Variants in FGF14 observed in about 807,000 individuals in gnomAD.
FGF14 encodes the protein fibroblast growth factor 14.
In FGF14, 5 loss-of-function variants were observed where a neutral mutation model predicts 25.5. The observed-to-expected ratio is 0.20, with a 90% CI of 0.10 to 0.41. FGF14 has a LOEUF of 0.41. Among genes scored for constraint, FGF14 ranks in the 10% least tolerant of loss-of-function variants. The probability of loss-of-function intolerance (pLI) is 1.00; values close to 1 mark genes in which losing one functional copy is unlikely to be tolerated. For synonymous variants in FGF14, 138 were observed against 118.3 expected (o/e 1.17, Z -1.08); for missense variants, 222 against 320.1 (o/e 0.69, Z 2.34).
At chr13:102,138,766 A>G (rs2046512934) in intron 1 of FGF14, among the ~76,000 whole-genome samples, 1 of 152,216 alleles carries the variant, frequency 6.6e-6, no homozygotes, top group African/African-American at 2.4e-5. Context: ...CTAGCAATAA[A>G]TGTGCCATTA....
intron 1 of FGF14, among the ~76,000 whole-genome samples, chr13:102,137,084 G>A (rs963219050): frequency 5.9e-5 from 9 of 152,168 alleles, no homozygotes; most frequent in African/African-American, 2.2e-4. Flanking sequence ...GGCTACTAAT[G>A]TGGTGTGGTT....
chr13:101,876,020 G>C (rs952927753), intron 1 of FGF14, among the ~76,000 whole-genome samples: 7 of 152,086 alleles, frequency 4.6e-5, no homozygotes, highest in African/African-American at 1.7e-4. Context: ...TCATTAACTT[G>C]TATAACTAAA....
At chr13:101,755,096 T>C (rs944136816) in intron 3 of FGF14, among the ~76,000 whole-genome samples, 4 of 152,196 alleles carry the variant, frequency 2.6e-5, no homozygotes, top group African/African-American at 7.2e-5. Context: ...TGTGATATAG[T>C]AATCATAACA....
intron 1 of FGF14, among the ~76,000 whole-genome samples, chr13:102,340,825 T>C (rs546458945): frequency 6.6e-6 from 1 of 152,258 alleles, no homozygotes; most frequent in African/African-American, 2.4e-5. Flanking sequence ...AAAATGGCAA[T>C]CAGATTTACC....
intron 1 of FGF14, among the ~76,000 whole-genome samples, chr13:101,902,598 T>C (rs1440773629): frequency 6.6e-6 from 1 of 152,202 alleles, no homozygotes; most frequent in Non-Finnish European, 1.5e-5. Context: ...CTGTGTGTAA[T>C]ACAATCTAAA....
At chr13:101,789,481 G>A (rs1049983925) in intron 3 of FGF14, among the ~76,000 whole-genome samples, 2 of 152,018 alleles carry the variant, frequency 1.3e-5, no homozygotes, top group Admixed American at 6.6e-5. Flanking sequence ...TGCCCCTTAC[G>A]CTCTGCTAAA....
chr13:102,156,125 C>T (rs374265108), intron 1 of FGF14, among the ~76,000 whole-genome samples: 17 of 152,124 alleles, frequency 1.1e-4, no homozygotes, highest in East Asian at 1.9e-4. Context: ...TTCCAATCAA[C>T]AGAAAAAGAG....
At chr13:102,231,732 A>G (rs933579762) in intron 1 of FGF14, among the ~76,000 whole-genome samples, 1 of 152,200 alleles carries the variant, frequency 6.6e-6, no homozygotes, top group Non-Finnish European at 1.5e-5. Flanking sequence ...AGTGATATCA[A>G]GAGGACAGTC....
intron 1 of FGF14, among the ~76,000 whole-genome samples, chr13:102,076,327 T>C (rs2043361758): frequency 6.6e-6 from 1 of 152,200 alleles, no homozygotes; most frequent in Non-Finnish European, 1.5e-5. Flanking sequence ...CACAATCACT[T>C]AACACTGTGT....
chr13:101,750,008 A>T (rs985238403), intron 3 of FGF14, among the ~76,000 whole-genome samples: 1 of 152,020 alleles, frequency 6.6e-6, no homozygotes, highest in Non-Finnish European at 1.5e-5. Context: ...GACTGAAGAG[A>T]CTGGAGTTCT....
chr13:102,353,523 G>T (rs80093460), intron 1 of FGF14, among the ~76,000 whole-genome samples: 1,542 of 152,270 alleles, frequency 0.01, 19 homozygotes, highest in African/African-American at 0.035. Context: ...CTCCACGGAA[G>T]TTCCTCCTCA....
In FGF14 at chr13:101,717,736, C is replaced by A. The variant is rs2139632680; in HGVS notation, c.*5095G>T. ...AAAAAATTCCTTCTGAGCTCCCAGG[C>A]CATACAAAAGCAACTTAAGGGTGGA... On this transcript the variant is annotated 3_prime_UTR_variant, in exon 5 of 5. Coordinates refer to ENST00000376143, the MANE Select transcript of FGF14 (RefSeq NM_004115.4). The A allele has an allele frequency of 1.3e-5, 2 of 152,190 alleles. No individual in the cohort carries two copies. Among genetic ancestry groups the A allele is most frequent in the African/African-American group, 4.8e-5 (2 of 41,542 alleles). 9.4% of individuals were successfully genotyped at this position (152,190 alleles called of 1,614,324 possible).
intron 1 of FGF14, among the ~76,000 whole-genome samples, chr13:101,905,773 T>A (rs1045713213): frequency 6.6e-6 from 1 of 152,118 alleles, no homozygotes; most frequent in Admixed American, 6.6e-5. Context: ...TATGGGTACA[T>A]CCAGGAAGAC....
chr13:102,349,624 AAC>A (rs2057214433), intron 1 of FGF14, among the ~76,000 whole-genome samples: 1 of 152,246 alleles, frequency 6.6e-6, no homozygotes, highest in Admixed American at 6.5e-5. Context: ...TCTCTCCAGA[AAC>A]AGTTTTGACT....
chr13:102,105,011 T>C (rs535589767), intron 1 of FGF14, among the ~76,000 whole-genome samples: 12 of 152,186 alleles, frequency 7.9e-5, no homozygotes, highest in East Asian at 3.9e-4. Context: ...AAATCCAGGA[T>C]ACACAGCAAA....
intron 1 of FGF14, among the ~76,000 whole-genome samples, chr13:102,004,406 A>G (rs2039671328): frequency 6.6e-6 from 1 of 152,188 alleles, no homozygotes; most frequent in Non-Finnish European, 1.5e-5. Context: ...AAGGGATGGC[A>G]TATGCAAAAG....
chr13:102,307,998 T>C (rs1033905101), intron 1 of FGF14, among the ~76,000 whole-genome samples: 11 of 152,112 alleles, frequency 7.2e-5, no homozygotes, highest in African/African-American at 2.7e-4. Context: ...AATGAACAAA[T>C]AGTGCTGCTA....
At chr13:101,797,851 C>A (rs1291943554) in intron 3 of FGF14, among the ~76,000 whole-genome samples, 1 of 150,564 alleles carries the variant, frequency 6.6e-6, no homozygotes, top group African/African-American at 2.4e-5. Context: ...TAGGAACCTT[C>A]AAAAAACCAA....
chr13:102,237,408 A>C (rs1192387981), intron 1 of FGF14, among the ~76,000 whole-genome samples: 1 of 152,152 alleles, frequency 6.6e-6, no homozygotes, highest in Non-Finnish European at 1.5e-5. Flanking sequence ...GAAGAGAATA[A>C]ATCCCTGGGA....
Sources: gnomAD v4.1 joint callset for allele counts (sites outside exome capture counted in the v4.1 genomes callset) on GRCh38, gnomAD v4.1.1 for gene constraint, MANE v1.5 for transcripts, NCBI Gene and HGNC (gene_info 2026-07-23, HGNC 2026-07-21) for gene names.